The following CSN1S1 variants were observed in gnomAD, a reference collection of about 807,000 sequenced individuals.
The protein encoded by CSN1S1 is alpha-S1-casein.
Under a neutral mutation model 49.1 loss-of-function variants are expected in CSN1S1, and 63 were observed. That is an observed-to-expected ratio of 1.28 (90% confidence interval 1.05 to 1.58). The LOEUF is 1.58. Among genes scored for constraint, CSN1S1 ranks in the 40% most tolerant of loss-of-function variants. The pLI is 0.00. For synonymous variants in CSN1S1, 78 were observed against 67.1 expected (o/e 1.16, Z -0.79); for missense variants, 260 against 224.7 (o/e 1.16, Z -1.01).
intron 1 of CSN1S1, among the ~76,000 whole-genome samples, chr4:69,931,628 G>T (rs1360063137): frequency 4.0e-5 from 6 of 151,732 alleles, no homozygotes; most frequent in Non-Finnish European, 7.4e-5. Context: ...TAGATATTCA[G>T]AAAGACACAA....
At chr4:69,932,757 G>A (rs930909580) in intron 2 of CSN1S1, among the ~76,000 whole-genome samples, 151 bp downstream of exon 2, 2 of 151,868 alleles carry the variant, frequency 1.3e-5, no homozygotes, top group African/African-American at 2.4e-5. Context: ...ATGCAGTAAT[G>A]CTTCACATTT....
chr4:69,935,547 G>T (rs1318479298), intron 4 of CSN1S1, among the ~76,000 whole-genome samples: 1 of 152,040 alleles, frequency 6.6e-6, no homozygotes, highest in Non-Finnish European at 1.5e-5. Context: ...AAACAAAGTG[G>T]TTTTTTGTTG....
At position 69,937,991 on chromosome 4, in the gene CSN1S1, T is replaced by C. The variant is rs77834221; in HGVS notation, c.243+168T>C. On this transcript the variant is annotated intron_variant, in intron 9 of 15. Coordinates refer to ENST00000246891, the MANE Select transcript of CSN1S1 (RefSeq NM_001890.2). ...TTAATCCTATTCTAATTTTAACTTA[T>C]TGAACTTCTCAAACAGGAATATTAT... 3.9e-3 allele frequency among the ~76,000 whole-genome samples: 595 copies of C among 152,000 alleles called. 8 individuals are homozygous for C. The highest frequency in any genetic ancestry group is 0.013 in the African/African-American group (560 of 41,548).
intron 5 of CSN1S1, among the ~76,000 whole-genome samples, chr4:69,936,151 T>C (rs918882108): frequency 6.6e-6 from 1 of 152,014 alleles, no homozygotes; most frequent in African/African-American, 2.4e-5. Context: ...ACTTAAAGGT[T>C]AGAAATGATA....
At chr4:69,940,941 C>G in intron 11 of CSN1S1, 78 bp from the exon 12 acceptor site, 1 of 723,318 alleles carries the variant, frequency 1.4e-6, no homozygotes, top group Admixed American at 3.1e-5. Context: ...TTGTTAGATT[C>G]TTGTTTCATC....
At chr4:69,938,325 A>G (rs1722866151) in intron 9 of CSN1S1, among the ~76,000 whole-genome samples, 1 of 151,748 alleles carries the variant, frequency 6.6e-6, no homozygotes, top group African/African-American at 2.4e-5. Context: ...TGTGCTTTTT[A>G]CCATTAAAAA....
At chr4:69,944,247 T>G (rs1723078086) in intron 14 of CSN1S1, among the ~76,000 whole-genome samples, 2 of 151,972 alleles carry the variant, frequency 1.3e-5, no homozygotes, top group Non-Finnish European at 2.9e-5. Flanking sequence ...CAATTATTAG[T>G]ACACAGAAAA....
chr4:69,943,630 C>T (rs1286137730), intron 14 of CSN1S1, among the ~76,000 whole-genome samples: 9 of 151,890 alleles, frequency 5.9e-5, no homozygotes, highest in Admixed American at 2.0e-4. Context: ...GCTGCTATAG[C>T]GGAATACCAC....
chr4:69,931,520 T>G (rs549625770), intron 1 of CSN1S1, among the ~76,000 whole-genome samples: 1 of 152,052 alleles, frequency 6.6e-6, no homozygotes, highest in East Asian at 1.9e-4. Flanking sequence ...AGGCCATTTT[T>G]GTTTCATGTC....
chr4:69,944,649 T>C (rs895737352), intron 14 of CSN1S1, among the ~76,000 whole-genome samples: 1 of 152,016 alleles, frequency 6.6e-6, no homozygotes, highest in African/African-American at 2.4e-5. Flanking sequence ...CCCTCAGGTG[T>C]CTTAAAAGAG....
intron 12 of CSN1S1, 72 bp downstream of exon 12, chr4:69,941,132 G>T (rs1161168654): frequency 4.7e-6 from 3 of 643,874 alleles, no homozygotes; most frequent in African/African-American, 1.9e-5. Flanking sequence ...TTTTAAATTG[G>T]GGCCATTTCT....
At chr4:69,941,745 T>A (rs1722972310) in intron 12 of CSN1S1, among the ~76,000 whole-genome samples, 1 of 151,926 alleles carries the variant, frequency 6.6e-6, no homozygotes, top group African/African-American at 2.4e-5. Context: ...TTCAGGTAAC[T>A]TGTGTTTAAA....
At chr4:69,935,017 T>C (rs1722725349) in intron 4 of CSN1S1, among the ~76,000 whole-genome samples, 1 of 152,118 alleles carries the variant, frequency 6.6e-6, no homozygotes, top group Non-Finnish European at 1.5e-5. Flanking sequence ...TTTGTTCTTC[T>C]AGCTAAGAAA....
chr4:69,944,766 T>C, intron 14 of CSN1S1, 84 bp from the exon 15 acceptor site: 1 of 1,355,456 alleles, frequency 7.4e-7, no homozygotes, highest in Non-Finnish European at 1.0e-6. Flanking sequence ...ATCTTGGAAA[T>C]GAATGAGATG....
chr4:69,932,257 T>C (rs1722631884), intron 1 of CSN1S1, among the ~76,000 whole-genome samples: 1 of 151,892 alleles, frequency 6.6e-6, no homozygotes, highest in South Asian at 2.1e-4. Context: ...TATTATTACA[T>C]TAAGAACAAA....
chr4:69,941,283 T>A (rs1722962001), intron 12 of CSN1S1, among the ~76,000 whole-genome samples: 1 of 151,816 alleles, frequency 6.6e-6, no homozygotes, highest in African/African-American at 2.4e-5. Flanking sequence ...ATATTATCCA[T>A]ACTTACTAAC....
chr4:69,936,045 G>T, intron 5 of CSN1S1, 96 bp downstream of exon 5: 1 of 953,872 alleles, frequency 1.0e-6, no homozygotes, highest in Non-Finnish European at 1.6e-6. Context: ...CAAAGTGAAA[G>T]TCAAGGATAA....
At chr4:69,940,516 T>C (rs1722940208) in intron 11 of CSN1S1, among the ~76,000 whole-genome samples, 2 of 151,804 alleles carry the variant, frequency 1.3e-5, no homozygotes, top group African/African-American at 4.8e-5. Flanking sequence ...TGTTGAACCG[T>C]TCACTTTCCC....
Position 69,937,895 on chromosome 4 carries a change from A to G in CSN1S1, c.243+72A>G, listed in dbSNP as rs1464608924. ...TAGTATATGCAGCATGCTTCATTTT[A>G]AAAAGACTGTCTTCTGAAATTAAGC... On this transcript the variant is annotated intron_variant, in intron 9 of 15. Coordinates refer to ENST00000246891, the MANE Select transcript of CSN1S1 (RefSeq NM_001890.2). 5.9e-6 allele frequency: 6 copies of G among 1,025,550 alleles called. No homozygotes were observed. The Admixed American group carries it at 1.7e-4, about 30-fold the overall frequency. The allele number at this position is 1,025,550 out of a possible 1,614,324, so 63.5% of individuals were successfully genotyped here.
Sources: allele counts gnomAD v4.1 joint callset (sites outside exome capture counted in the v4.1 genomes callset), GRCh38; gene constraint gnomAD v4.1.1; transcripts MANE v1.5; gene names NCBI Gene and HGNC (gene_info 2026-07-23, HGNC 2026-07-21).